The following ZNF704 variants were observed in gnomAD, a reference collection of about 807,000 sequenced individuals.
ZNF704 encodes the protein glucocorticoid induced gene 1.
ZNF704 carries 10 observed loss-of-function variants against 44.7 expected under a neutral mutation model. The ratio of observed to expected loss-of-function variants is 0.22; its 90% CI spans 0.14 to 0.38. The LOEUF is 0.38. Ranked by LOEUF, ZNF704 falls within the 10% of genes least tolerant of loss-of-function variation. The pLI, the probability that ZNF704 is intolerant of heterozygous loss-of-function variation, is 1.00. For missense variants in ZNF704, 390 were observed against 545.5 expected (o/e 0.71, Z 2.84); for synonymous variants, 211 against 207.6 (o/e 1.02, Z -0.14).
chr8:80,804,174 AC>A (rs1313888809), intron 2 of ZNF704, among the ~76,000 whole-genome samples: 1 of 152,180 alleles, frequency 6.6e-6, no homozygotes, highest in African/African-American at 2.4e-5. Context: ...AAGTTAAAGA[AC>A]AATAGATGCT....
intron 6 of ZNF704, among the ~76,000 whole-genome samples, chr8:80,660,555 A>T (rs551621318): frequency 2.6e-5 from 4 of 152,290 alleles, no homozygotes; most frequent in African/African-American, 9.6e-5. Flanking sequence ...CCTACAGAGT[A>T]ATTCAAAATG....
chr8:80,747,462 C>T (rs1806866724), intron 2 of ZNF704, among the ~76,000 whole-genome samples: 2 of 152,134 alleles, frequency 1.3e-5, no homozygotes, highest in South Asian at 4.2e-4. Flanking sequence ...ACACAAACCT[C>T]TGAAAAATGG....
intron 1 of ZNF704, among the ~76,000 whole-genome samples, chr8:80,872,724 T>G (rs965872587): frequency 3.3e-5 from 5 of 152,068 alleles, no homozygotes; most frequent in African/African-American, 1.2e-4. Flanking sequence ...AAACCCCTTA[T>G]CTCCTGAAGA....
chr8:80,745,507 A>G (rs1806829527), intron 2 of ZNF704, among the ~76,000 whole-genome samples: 1 of 152,204 alleles, frequency 6.6e-6, no homozygotes. Context: ...ACCATTATGT[A>G]TGGATAATGC....
At chr8:80,645,272 C>T in intron 7 of ZNF704, 2 of 1,209,366 alleles carry the variant, frequency 1.7e-6, no homozygotes, top group Non-Finnish European at 2.3e-6. Flanking sequence ...GGAGGATAGA[C>T]ATTTAATAAA....
At chr8:80,711,392 GA>G in intron 2 of ZNF704, among the ~76,000 whole-genome samples, 1 of 152,262 alleles carries the variant, frequency 6.6e-6, no homozygotes, top group East Asian at 1.9e-4. Flanking sequence ...TAAGAATAGA[GA>G]AACCCACTAT....
intron 1 of ZNF704, among the ~76,000 whole-genome samples, chr8:80,869,613 G>GTTT (rs1284294388): frequency 1.3e-5 from 2 of 152,170 alleles, no homozygotes; most frequent in African/African-American, 4.8e-5. Flanking sequence ...TCCTCCTGTA[G>GTTT]TTTTTTCTTT....
chr8:80,719,529 A>C (rs1054750724), intron 2 of ZNF704, among the ~76,000 whole-genome samples: 22 of 152,266 alleles, frequency 1.4e-4, no homozygotes, highest in African/African-American at 5.1e-4. Context: ...GCACCGGTCA[A>C]TTATCACAAA....
chr8:80,850,197 T>C (rs1022211454), intron 1 of ZNF704, among the ~76,000 whole-genome samples: 3 of 152,216 alleles, frequency 2.0e-5, no homozygotes, highest in African/African-American at 4.8e-5. Context: ...TTATGTTACA[T>C]GCTTGGTATG....
At chr8:80,756,724 T>C (rs1394664764) in intron 2 of ZNF704, among the ~76,000 whole-genome samples, 1 of 152,204 alleles carries the variant, frequency 6.6e-6, no homozygotes, top group African/African-American at 2.4e-5. Flanking sequence ...AAGTCTGGCA[T>C]CATCATATGT....
chr8:80,708,524 ATACACGTGGCTTCTAAGC>A (rs1818931800), intron 2 of ZNF704, among the ~76,000 whole-genome samples: 1 of 152,260 alleles, frequency 6.6e-6, no homozygotes, highest in Non-Finnish European at 1.5e-5. Context: ...TCTGAAAACA[ATACACGTGGCTTCTAAGC>A]CTAGGATGCT....
Position 80,631,799 on chromosome 8 carries a change from TC to T in ZNF704, c.*9566del, listed in dbSNP as rs1817590435. On this transcript the variant is annotated 3_prime_UTR_variant, in exon 9 of 9. Coordinates refer to ENST00000327835, the MANE Select transcript of ZNF704 (RefSeq NM_001033723.3). ...AAACCGTTCAGACAGATGGAATATTTCCCCCGAAGGGAGGGAATAGCCACAC... is the reference window on the plus strand; with the variant it reads ...AAACCGTTCAGACAGATGGAATATTTCCCCGAAGGGAGGGAATAGCCACAC... 1 of 152,230 alleles carries T rather than the reference TC, an allele frequency of 6.6e-6. No homozygotes were observed. Among genetic ancestry groups the T allele is most frequent in the African/African-American group, 2.4e-5 (1 of 41,468 alleles). The allele number at this position is 152,230 out of a possible 1,614,324, so 9.4% of individuals were successfully genotyped here.
intron 2 of ZNF704, among the ~76,000 whole-genome samples, chr8:80,704,570 G>A (rs1342449133): frequency 1.3e-5 from 2 of 152,158 alleles, no homozygotes; most frequent in African/African-American, 2.4e-5. Context: ...TTGGACTTCC[G>A]GGCACCGACC....
intron 2 of ZNF704, among the ~76,000 whole-genome samples, chr8:80,748,741 T>C (rs1806890263): frequency 1.3e-5 from 2 of 152,078 alleles, no homozygotes; most frequent in African/African-American, 2.4e-5. Context: ...GAACTTGGCT[T>C]AGAGTCGGAA....
chr8:80,642,974 G>T, intron 8 of ZNF704, 61 bp downstream of exon 8: 1 of 1,147,536 alleles, frequency 8.7e-7, no homozygotes, highest in Non-Finnish European at 1.2e-6. Context: ...TCTCTCTGCT[G>T]TTCTGTTTTA....
At chr8:80,722,179 T>A (rs1819178614) in intron 2 of ZNF704, among the ~76,000 whole-genome samples, 1 of 152,166 alleles carries the variant, frequency 6.6e-6, no homozygotes, top group Non-Finnish European at 1.5e-5. Flanking sequence ...GACAGAGGTT[T>A]CAGTGAGCCA....
In ZNF704 at chr8:80,703,518, A is replaced by G. The variant is rs1416579554; in HGVS notation, c.222-10411T>C. Among the ~76,000 whole-genome samples the G allele has an allele frequency of 3.3e-5, 5 of 152,174 alleles. No individual in the cohort carries two copies. In the East Asian group the frequency reaches 9.6e-4, roughly 29 times the overall value. The stretch of plus-strand genomic sequence containing the variant: ...GAGGCAGGGTCTTGCTCTGTCACCC[A>G]GACTGGAGTGCAGTGGTGTGAACAT... On this transcript the variant is annotated intron_variant, in intron 2 of 8. Transcript: ENST00000327835.
intron 2 of ZNF704, among the ~76,000 whole-genome samples, chr8:80,714,870 T>A (rs925160464): frequency 1.3e-5 from 2 of 152,182 alleles, no homozygotes; most frequent in Admixed American, 6.6e-5. Flanking sequence ...ACAAAATCAC[T>A]CTATCACCAC....
chr8:80,742,923 A>T (rs1806785417), intron 2 of ZNF704, among the ~76,000 whole-genome samples: 1 of 152,052 alleles, frequency 6.6e-6, no homozygotes, highest in African/African-American at 2.4e-5. Context: ...CCTAGCTGGG[A>T]AGGTGACGCA....
Sources: gnomAD v4.1 joint callset for allele counts (sites outside exome capture counted in the v4.1 genomes callset) on GRCh38, gnomAD v4.1.1 for gene constraint, MANE v1.5 for transcripts, NCBI Gene and HGNC (gene_info 2026-07-23, HGNC 2026-07-21) for gene names.